CDK19: variants seen among roughly 807,000 people sequenced by gnomAD.
The protein encoded by CDK19 is cyclin dependent kinase 19.
In CDK19, 20 loss-of-function variants were observed where a neutral mutation model predicts 68.3. The ratio of observed to expected loss-of-function variants is 0.29; its 90% CI spans 0.21 to 0.43. The LOEUF (loss-of-function observed/expected upper bound fraction) is 0.43. Among genes scored for constraint, CDK19 ranks in the 20% least tolerant of loss-of-function variants. CDK19 has a pLI of 1.00. For synonymous variants in CDK19, 221 were observed against 222.8 expected, an observed-to-expected ratio of 0.99 and a Z score of 0.07; for missense variants, 339 against 623.5, an observed-to-expected ratio of 0.54 and a Z score of 4.86.
chr6:110,809,719 T>C (rs1426517230), intron 1 of CDK19, among the ~76,000 whole-genome samples: 2 of 152,230 alleles, frequency 1.3e-5, no homozygotes. Context: ...TTGGTCTGCT[T>C]TTAAAATCAG....
At chr6:110,680,910 T>C (rs1022880637) in intron 2 of CDK19, among the ~76,000 whole-genome samples, 1 of 151,988 alleles carries the variant, frequency 6.6e-6, no homozygotes, top group Non-Finnish European at 1.5e-5. Flanking sequence ...GGCAGGAGAA[T>C]CACTTGAACC....
chr6:110,681,249 G>A (rs1771990187), intron 2 of CDK19, among the ~76,000 whole-genome samples: 2 of 151,866 alleles, frequency 1.3e-5, no homozygotes, highest in South Asian at 4.2e-4. Context: ...GAGAGACTAA[G>A]GCAGGACAAT....
intron 1 of CDK19, among the ~76,000 whole-genome samples, chr6:110,798,317 T>C (rs956493888): frequency 1.3e-5 from 2 of 151,872 alleles, no homozygotes; most frequent in African/African-American, 2.4e-5. Context: ...AGAGGAAAAA[T>C]ACAAGTTTGA....
intron 9 of CDK19, 76 bp downstream of exon 9, chr6:110,623,214 A>T: frequency 8.4e-7 from 1 of 1,194,216 alleles, no homozygotes; most frequent in Non-Finnish European, 1.2e-6. Flanking sequence ...GTTTCTAAAG[A>T]GGAGGAATAG....
chr6:110,724,831 C>T (rs953685880), intron 2 of CDK19, among the ~76,000 whole-genome samples: 26 of 151,600 alleles, frequency 1.7e-4, no homozygotes, highest in African/African-American at 5.6e-4. Flanking sequence ...AACTACAGTG[C>T]AATATCAGAA....
At chr6:110,682,841 C>G (rs1582853619) in intron 2 of CDK19, among the ~76,000 whole-genome samples, 1 of 109,036 alleles carries the variant, frequency 9.2e-6, no homozygotes, top group African/African-American at 3.2e-5. Flanking sequence ...CAAACATAAA[C>G]AGTTTCCACA....
rs77403129 is a variant in CDK19, at chr6:110,682,657, A to T, written c.205-12116T>A. 6.3e-3 allele frequency among the ~76,000 whole-genome samples: 955 copies of T among 152,280 alleles called. 43 individuals carry two copies. The East Asian group carries it at 0.13, about 21-fold the overall frequency. ...CCAGTCATAAGCTCCAGGGAGGTCA[A>T]TGTTCCCCTTTGCCACCCAGTTGAA... On this transcript the variant is annotated intron_variant, in intron 2 of 12. Coordinates refer to ENST00000368911, the MANE Select transcript of CDK19 (RefSeq NM_015076.5).
chr6:110,624,697 T>G (rs1156804900), intron 8 of CDK19, among the ~76,000 whole-genome samples: 1 of 152,238 alleles, frequency 6.6e-6, no homozygotes, highest in Admixed American at 6.5e-5. Flanking sequence ...ATCTTCAAAC[T>G]TATTATTTTG....
At chr6:110,701,758 A>G (rs1008200741) in intron 2 of CDK19, among the ~76,000 whole-genome samples, 1 of 152,224 alleles carries the variant, frequency 6.6e-6, no homozygotes, top group African/African-American at 2.4e-5. Context: ...AAGAGCATCC[A>G]GACAGCATCA....
intron 5 of CDK19, 56 bp downstream of exon 5, chr6:110,638,593 C>G: frequency 2.3e-6 from 2 of 858,260 alleles, no homozygotes; most frequent in Non-Finnish European, 3.9e-6. Flanking sequence ...AAAGGGAAAC[C>G]ATCTTTGCAG....
intron 4 of CDK19, 108 bp from the exon 5 acceptor site, chr6:110,638,814 A>G: frequency 1.5e-6 from 1 of 688,236 alleles, no homozygotes; most frequent in East Asian, 2.7e-5. Context: ...ATTTTCATCA[A>G]AAGTAAATCA....
At chr6:110,777,142 A>G (rs1780460074) in intron 1 of CDK19, among the ~76,000 whole-genome samples, 1 of 152,244 alleles carries the variant, frequency 6.6e-6, no homozygotes. Context: ...ATCATGCTAT[A>G]TATTCCTCAG....
intron 2 of CDK19, 66 bp downstream of exon 2, chr6:110,746,053 AAACTTTT>A: frequency 2.8e-6 from 2 of 721,698 alleles, no homozygotes; most frequent in Non-Finnish European, 2.2e-6. Flanking sequence ...TATATTAATG[AAACTTTT>A]ATATTAAAAT....
rs144652653 is a variant in CDK19 at position 110,650,361 on chromosome 6, G to C, written c.457-11655C>G. Among the ~76,000 whole-genome samples, 320 of 152,282 alleles carry C rather than the reference G, an allele frequency of 2.1e-3. 2 individuals are homozygous for C. The highest frequency in any genetic ancestry group is 7.4e-3 in the African/African-American group (308 of 41,562). On this transcript the variant is annotated intron_variant, in intron 4 of 12. Coordinates refer to ENST00000368911, the MANE Select transcript of CDK19 (RefSeq NM_015076.5). ...TGGTAATCTTCCACTTACTGGGTAAGTGACAGGTTCTCTTATGCATGCTAC... is the reference window on the plus strand; with the variant it reads ...TGGTAATCTTCCACTTACTGGGTAACTGACAGGTTCTCTTATGCATGCTAC...
chr6:110,814,802 C>T (rs1182130150), intron 1 of CDK19: 1 of 698,930 alleles, frequency 1.4e-6, no homozygotes, highest in Non-Finnish European at 2.5e-6. Flanking sequence ...CGGGCTGCGC[C>T]GCGGGAGTTC....
At chr6:110,707,688 C>G (rs755965659) in intron 2 of CDK19, among the ~76,000 whole-genome samples, 3 of 152,036 alleles carry the variant, frequency 2.0e-5, no homozygotes, top group Non-Finnish European at 4.4e-5. Flanking sequence ...TAGTATATTT[C>G]AGCCAGGCGC....
intron 2 of CDK19, among the ~76,000 whole-genome samples, chr6:110,707,352 A>C (rs533317867): frequency 6.6e-6 from 1 of 151,818 alleles, no homozygotes; most frequent in Non-Finnish European, 1.5e-5. Context: ...AAACAAAACA[A>C]AACAAAAAAA....
chr6:110,713,049 T>G (rs927012524), intron 2 of CDK19, among the ~76,000 whole-genome samples: 1 of 151,874 alleles, frequency 6.6e-6, no homozygotes, highest in South Asian at 2.1e-4. Context: ...ATACAAAAAT[T>G]AGCTGGGCGT....
rs535125804 is a variant in CDK19, at chr6:110,645,823, C to A, written c.457-7117G>T. ...CTATCTAGAGACGGAGGGATGGCCG[C>A]GCACGACGCGCCGCGCTTCCTCCTG... On this transcript the variant is annotated intron_variant, in intron 4 of 12. Transcript: ENST00000368911. The A allele has an allele frequency of 1.6e-4, 95 of 603,644 alleles. 2 individuals are homozygous for A. The highest frequency in any genetic ancestry group is 1.5e-3 in the South Asian group (91 of 59,466). 37.4% of individuals were successfully genotyped at this position (603,644 alleles called of 1,614,324 possible).
Sources: gnomAD v4.1 joint callset for allele counts (sites outside exome capture counted in the v4.1 genomes callset) on GRCh38, gnomAD v4.1.1 for gene constraint, MANE v1.5 for transcripts, NCBI Gene and HGNC (gene_info 2026-07-23, HGNC 2026-07-21) for gene names.